MCC: variants seen among roughly 807,000 people sequenced by gnomAD.
MCC encodes colorectal mutant cancer protein.
MCC carries 90 observed loss-of-function variants against 116.2 expected under a neutral mutation model. The ratio of observed to expected loss-of-function variants is 0.77; its 90% CI spans 0.65 to 0.92. MCC has a LOEUF of 0.92. Among genes scored for constraint, MCC ranks in the 40% least tolerant of loss-of-function variants. The pLI is 0.00. For synonymous variants in MCC, 578 were observed against 510.5 expected, an observed-to-expected ratio of 1.13 and a Z score of -1.78; for missense variants, 1,516 against 1,312.2, an observed-to-expected ratio of 1.16 and a Z score of -2.40.
At chr5:113,041,696 G>C (rs1751714857) in intron 17 of MCC, among the ~76,000 whole-genome samples, 1 of 152,130 alleles carries the variant, frequency 6.6e-6, no homozygotes, top group Non-Finnish European at 1.5e-5. Context: ...AGTAGAAGCA[G>C]GACTCTCAAA....
At chr5:113,121,761 C>G (rs1205191364) in intron 6 of MCC, among the ~76,000 whole-genome samples, 1 of 152,142 alleles carries the variant, frequency 6.6e-6, no homozygotes. Flanking sequence ...CTATATGCAA[C>G]TCTTCTTTCT....
rs768855796 is a variant in MCC, at chr5:113,027,283, T to C, written c.*19A>G. On this transcript the variant is annotated 3_prime_UTR_variant, in exon 19 of 19. Coordinates refer to ENST00000408903, the MANE Select transcript of MCC (RefSeq NM_001085377.2). The stretch of plus-strand genomic sequence containing the variant: ...GCAGTTTACTTCCCATGGGCAGAAC[T>C]CCGGTGCGTGAGTGCTGATTAAAGC... 2.2e-5 allele frequency: 36 copies of C among 1,612,570 alleles called. No homozygotes were observed. The South Asian group carries it at 3.9e-4, about 17-fold the overall frequency.
chr5:113,422,418 A>G (rs1770365978), intron 1 of MCC, among the ~76,000 whole-genome samples: 1 of 149,970 alleles, frequency 6.7e-6, no homozygotes, highest in Admixed American at 6.6e-5. Context: ...AGCTTCTATG[A>G]TTTAATTTTA....
intron 3 of MCC, among the ~76,000 whole-genome samples, chr5:113,198,731 A>G (rs1302796838): frequency 6.6e-6 from 1 of 151,344 alleles, no homozygotes; most frequent in Non-Finnish European, 1.5e-5. Context: ...AAGAATTAAC[A>G]GACAGTATAG....
rs539675575 is a variant in MCC, at chr5:113,381,009, A to C, written c.415+3959T>G. Among the ~76,000 whole-genome samples the C allele has an allele frequency of 7.9e-4, 121 of 152,364 alleles. 1 individual carries two copies. Among genetic ancestry groups the C allele is most frequent in the Middle Eastern group, 3.4e-3 (1 of 294 alleles). ...AATGTTTTAGACATGGGATTGAACT[A>C]AGCATGATTTTATAACTTTAAAAGA... On this transcript the variant is annotated intron_variant, in intron 2 of 18. Transcript: ENST00000408903.
chr5:113,287,856 A>C (rs1350023752), intron 3 of MCC, among the ~76,000 whole-genome samples: 2 of 152,216 alleles, frequency 1.3e-5, no homozygotes, highest in African/African-American at 2.4e-5. Flanking sequence ...ACTACCTCTA[A>C]GGTGCTTCCT....
chr5:113,111,783 CTGGAAAGGAG>C (rs1477610021), intron 6 of MCC, among the ~76,000 whole-genome samples: 1 of 152,148 alleles, frequency 6.6e-6, no homozygotes, highest in Non-Finnish European at 1.5e-5. Flanking sequence ...CTTTGGAAAT[CTGGAAAGGAG>C]GTAAGAGGAC....
At chr5:113,228,378 T>C (rs545034584) in intron 3 of MCC, among the ~76,000 whole-genome samples, 33 of 152,084 alleles carry the variant, frequency 2.2e-4, no homozygotes, top group Admixed American at 9.8e-4. Flanking sequence ...ATTCAGGCAG[T>C]GGAGGGAGTG....
At chr5:113,107,221 C>CTTTTTTTTTTTTTT (rs1296664436) in intron 6 of MCC, among the ~76,000 whole-genome samples, 3 of 97,166 alleles carry the variant, frequency 3.1e-5, no homozygotes, top group African/African-American at 1.0e-4. Context: ...TTTTTTTTTT[C>CTTTTTTTTTTTTTT]TTTTTTTTTT....
At chr5:113,321,993 G>A (rs1767432994) in intron 3 of MCC, among the ~76,000 whole-genome samples, 1 of 152,116 alleles carries the variant, frequency 6.6e-6, no homozygotes, top group Non-Finnish European at 1.5e-5. Context: ...CACCATGCCT[G>A]GCTAGTTTTT....
intron 11 of MCC, among the ~76,000 whole-genome samples, chr5:113,079,457 G>A (rs1355719316): frequency 6.6e-6 from 1 of 152,186 alleles, no homozygotes; most frequent in African/African-American, 2.4e-5. Flanking sequence ...TACCAGAACA[G>A]AGATATAGAC....
At chr5:113,057,357 G>C (rs527956539) in intron 14 of MCC, among the ~76,000 whole-genome samples, 1 of 152,312 alleles carries the variant, frequency 6.6e-6, no homozygotes, top group African/African-American at 2.4e-5. Context: ...GGCCAGGGCA[G>C]AGGCAGGGGT....
intron 3 of MCC, among the ~76,000 whole-genome samples, chr5:113,306,049 T>G (rs987807095): frequency 1.3e-5 from 2 of 152,212 alleles, no homozygotes; most frequent in African/African-American, 2.4e-5. Context: ...TTAGCCTGTT[T>G]TCAAGTTTTA....
chr5:113,350,500 A>T (rs1768242230), intron 2 of MCC, among the ~76,000 whole-genome samples: 1 of 152,144 alleles, frequency 6.6e-6, no homozygotes, highest in Admixed American at 6.5e-5. Context: ...CAGAAGAATA[A>T]AACTAGACCC....
intron 3 of MCC, among the ~76,000 whole-genome samples, chr5:113,171,891 G>C (rs1350855784): frequency 6.6e-6 from 1 of 152,140 alleles, no homozygotes; most frequent in East Asian, 1.9e-4. Flanking sequence ...CATAAGGAAG[G>C]CTCTCCCTTC....
chr5:113,095,687 T>TA lies in MCC; in HGVS notation c.1398+6051dup, dbSNP rs985037178. 2.2e-3 allele frequency among the ~76,000 whole-genome samples: 328 copies of TA among 146,500 alleles called. 2 individuals carry two copies. The highest frequency in any genetic ancestry group is 7.0e-3 in the African/African-American group (281 of 39,896). The stretch of plus-strand genomic sequence containing the variant: ...GTGCACACCATCACACTTGGCTAAT[T>TA]AAAAAAAAAAAAATTTTTTTTTTGG... On this transcript the variant is annotated intron_variant, in intron 8 of 18. Coordinates refer to ENST00000408903, the MANE Select transcript of MCC (RefSeq NM_001085377.2).
intron 3 of MCC, among the ~76,000 whole-genome samples, chr5:113,321,188 TTC>T (rs1245500689): frequency 6.6e-6 from 1 of 152,234 alleles, no homozygotes; most frequent in African/African-American, 2.4e-5. Context: ...AATATAGAAT[TTC>T]TGTTTTTAAT....
intron 3 of MCC, among the ~76,000 whole-genome samples, chr5:113,175,849 T>A (rs1207374364): frequency 6.6e-6 from 1 of 151,846 alleles, no homozygotes; most frequent in Non-Finnish European, 1.5e-5. Context: ...CATAAATGAG[T>A]CTGGAGACAA....
chr5:113,147,548 G>A lies in MCC; in HGVS notation c.741+3761C>T, dbSNP rs1057436724. On this transcript the variant is annotated intron_variant, in intron 4 of 18. Coordinates refer to ENST00000408903, the MANE Select transcript of MCC (RefSeq NM_001085377.2). ...ATTTGTTAACCCTCTCAACCATCCC[G>A]TGAAGGGGGTTAGTACCACTCTCTT... Among the ~76,000 whole-genome samples the A allele has an allele frequency of 4.5e-4, 68 of 152,276 alleles. 1 individual carries two copies. Among genetic ancestry groups the A allele is most frequent in the African/African-American group, 1.0e-3 (42 of 41,550 alleles).
Sources: gnomAD v4.1 joint callset for allele counts (sites outside exome capture counted in the v4.1 genomes callset) on GRCh38, gnomAD v4.1.1 for gene constraint, MANE v1.5 for transcripts, NCBI Gene and HGNC (gene_info 2026-07-23, HGNC 2026-07-21) for gene names.